CRACDL: variants seen among roughly 807,000 people sequenced by gnomAD.
The protein encoded by CRACDL is CRACD-like protein.
CRACDL carries 26 observed loss-of-function variants against 70.6 expected under a neutral mutation model. The observed-to-expected ratio is 0.37, with a 90% CI of 0.27 to 0.51. The LOEUF is 0.51. Ranked by LOEUF, CRACDL falls within the 20% of genes least tolerant of loss-of-function variation. CRACDL has a pLI of 0.94. For synonymous variants in CRACDL, 618 were observed against 615.2 expected (o/e 1.00, Z -0.07); for missense variants, 1,283 against 1,376.9 (o/e 0.93, Z 1.08).
At chr2:98,927,765 C>T (rs996006302) in intron 1 of CRACDL, among the ~76,000 whole-genome samples, 9 of 152,150 alleles carry the variant, frequency 5.9e-5, no homozygotes, top group Non-Finnish European at 8.8e-5. Context: ...AGAGAAGGCT[C>T]GTGGACTGGA....
chr2:98,923,727 C>T (rs1412572617), intron 1 of CRACDL, among the ~76,000 whole-genome samples: 1 of 152,186 alleles, frequency 6.6e-6, no homozygotes, highest in East Asian at 1.9e-4. Context: ...TTCACAGTGT[C>T]TGTCTTTTTG....
Position 98,822,729 on chromosome 2 carries a change from AGCGGCGGGGAC to A in CRACDL, c.1533_1543del (p.Ser512CysfsTer99). Reference sequence around the variant, plus strand: ...CACCGGGGGAGACTCCGCAGCGGCAAGCGGCGGGGACGCGGCGGGGCCCTCGCTGGCGGCCG... The same window carrying A: ...CACCGGGGGAGACTCCGCAGCGGCAAGCGGCGGGGCCCTCGCTGGCGGCCG... On this transcript the variant is annotated frameshift_variant, in exon 7 of 10. Transcript: ENST00000397899. LOFTEE classifies it high-confidence loss of function. This position sits in a 1 kb window ranked among gnomAD's most constrained non-coding sequence, Gnocchi z 4.9. The A allele has an allele frequency of 7.9e-7, 1 of 1,258,906 alleles. No individual in the cohort carries two copies. Among genetic ancestry groups the A allele is most frequent in the Non-Finnish European group, 9.9e-7 (1 of 1,005,818 alleles). The allele number at this position is 1,258,906 out of a possible 1,614,324, so 78.0% of individuals were successfully genotyped here. A position where few individuals can be genotyped will look rare whatever the true frequency, so the allele number is the denominator to read the frequency against.
chr2:98,849,466 C>T (rs1263115279), intron 1 of CRACDL, among the ~76,000 whole-genome samples: 1 of 152,086 alleles, frequency 6.6e-6, no homozygotes, highest in Non-Finnish European at 1.5e-5. Flanking sequence ...CCTGCCAAGC[C>T]CGGATCAGTC....
chr2:98,796,497 CCCA>C (rs1475936302), intron 8 of CRACDL, among the ~76,000 whole-genome samples: 1 of 152,224 alleles, frequency 6.6e-6, no homozygotes, highest in Non-Finnish European at 1.5e-5. Flanking sequence ...CCTTCCTGTC[CCCA>C]CACCTGGCCT....
intron 1 of CRACDL, among the ~76,000 whole-genome samples, chr2:98,878,760 G>A (rs1271120187): frequency 6.6e-6 from 1 of 152,136 alleles, no homozygotes; most frequent in African/African-American, 2.4e-5. Flanking sequence ...ATATTGTAGT[G>A]GCAAACGCAT....
chr2:98,822,574 C>T lies in CRACDL; in HGVS notation c.1699G>A (p.Glu567Lys). 6.9e-7 allele frequency: 1 copy of T among 1,454,680 alleles called. No homozygotes were observed. Among genetic ancestry groups the T allele is most frequent in the Non-Finnish European group, 9.0e-7 (1 of 1,110,646 alleles). The allele number at this position is 1,454,680 out of a possible 1,614,324, so 90.1% of individuals were successfully genotyped here. A position where few individuals can be genotyped will look rare whatever the true frequency, so the allele number is the denominator to read the frequency against. The change falls in exon 7 of 10, where the codon GAG becomes AAG. Residue 567 changes from glutamate to lysine, a missense_variant. Around this residue, in one of 2 missense-constraint regions of CRACDL, gnomAD observed 921 missense variants for 881.9 expected, o/e 1.04. Coordinates refer to ENST00000397899, the MANE Select transcript of CRACDL (RefSeq NM_207362.3). The surrounding 1 kb of genome is among the most constrained non-coding windows in gnomAD (Gnocchi z 4.9). Reference protein sequence around the residue: ...PERKAERGGAELRGAKKFSVS... With the variant: ...PERKAERGGAKLRGAKKFSVS... ...GAGAACTTCTTCGCGCCTCGCAGCT[C>T]GGCACCGCCCCTCTCCGCCTTCCGC... is the stretch of plus-strand genomic sequence containing the variant.
At chr2:98,796,029 T>C (rs1341191155) in intron 9 of CRACDL, 91 bp downstream of exon 9, 7 of 1,289,974 alleles carry the variant, frequency 5.4e-6, no homozygotes, top group African/African-American at 1.5e-5. Context: ...GCAAGTAATT[T>C]GCAAAAACCA....
At chr2:98,821,822 G>T in intron 7 of CRACDL, 35 bp downstream of exon 7, 1 of 1,603,150 alleles carries the variant, frequency 6.2e-7, no homozygotes, top group Non-Finnish European at 8.5e-7. Flanking sequence ...ATCTCCCCAG[G>T]CCCTGCCCTT....
intron 1 of CRACDL, among the ~76,000 whole-genome samples, chr2:98,918,437 G>T (rs1466242155): frequency 2.0e-5 from 3 of 150,322 alleles, no homozygotes; most frequent in Non-Finnish European, 4.4e-5. Context: ...GGAGGCTGAG[G>T]CCCAGGCTGA....
intron 1 of CRACDL, among the ~76,000 whole-genome samples, chr2:98,860,632 C>G (rs1300420420): frequency 6.6e-6 from 1 of 152,150 alleles, no homozygotes; most frequent in Non-Finnish European, 1.5e-5. Flanking sequence ...CCCAAAATGG[C>G]TCATAGATCT....
intron 1 of CRACDL, 137 bp from the exon 2 acceptor site, chr2:98,846,947 G>A: frequency 1.4e-6 from 1 of 699,948 alleles, no homozygotes; most frequent in Non-Finnish European, 2.6e-6. Flanking sequence ...GCAGAGTGCA[G>A]CACAGTACAG....
intron 1 of CRACDL, among the ~76,000 whole-genome samples, chr2:98,933,454 A>G (rs1187572332): frequency 1.3e-5 from 2 of 152,176 alleles, no homozygotes; most frequent in African/African-American, 4.8e-5. Flanking sequence ...CTCTAGAAAA[A>G]CAGAACCATG....
At chr2:98,883,546 C>T (rs374350695) in intron 1 of CRACDL, among the ~76,000 whole-genome samples, 25 of 152,308 alleles carry the variant, frequency 1.6e-4, no homozygotes, top group African/African-American at 4.8e-4. Context: ...GAGTCATGTA[C>T]GTATCAGGTG....
chr2:98,827,598 C>T (rs532324669), intron 5 of CRACDL, among the ~76,000 whole-genome samples: 1 of 152,278 alleles, frequency 6.6e-6, no homozygotes, highest in Admixed American at 6.5e-5. Context: ...CCAATACTTT[C>T]AATTTGATTC....
At chr2:98,874,200 G>A (rs1707421886) in intron 1 of CRACDL, among the ~76,000 whole-genome samples, 1 of 152,182 alleles carries the variant, frequency 6.6e-6, no homozygotes, top group Admixed American at 6.5e-5. Flanking sequence ...TGTTCAGGGT[G>A]AACTTTTATA....
At chr2:98,905,627 ATTTTT>A (rs34712128) in intron 1 of CRACDL, among the ~76,000 whole-genome samples, 15 of 130,734 alleles carry the variant, frequency 1.1e-4, no homozygotes, top group African/African-American at 4.1e-4. Context: ...GTGTTACCTC[ATTTTT>A]TTTTTTTTTT....
At chr2:98,805,402 G>A (rs1704244869) in intron 7 of CRACDL, among the ~76,000 whole-genome samples, 1 of 152,164 alleles carries the variant, frequency 6.6e-6, no homozygotes, top group Admixed American at 6.5e-5. Context: ...ACCCAGAGCT[G>A]TTTCCACACT....
chr2:98,899,091 CT>C (rs996517128), intron 1 of CRACDL, among the ~76,000 whole-genome samples: 9 of 152,188 alleles, frequency 5.9e-5, no homozygotes, highest in Non-Finnish European at 1.3e-4. Flanking sequence ...TATAAACAAG[CT>C]GACATGTCTG....
chr2:98,818,684 G>A (rs1207247786), intron 7 of CRACDL, among the ~76,000 whole-genome samples: 1 of 152,240 alleles, frequency 6.6e-6, no homozygotes, highest in Non-Finnish European at 1.5e-5. Context: ...TGGGAGCAAT[G>A]AGAATGATAA....
Sources: allele counts gnomAD v4.1 joint callset (sites outside exome capture counted in the v4.1 genomes callset), GRCh38; gene constraint gnomAD v4.1.1; regional missense constraint gnomAD v4.1.1; non-coding constraint Gnocchi (gnomAD v3.1); transcripts MANE v1.5; gene names NCBI Gene and HGNC (gene_info 2026-07-23, HGNC 2026-07-21).